The following FLT3LG variants were observed in gnomAD, a reference collection of about 807,000 sequenced individuals.
FLT3LG encodes fms related receptor tyrosine kinase 3 ligand.
FLT3LG carries 8 observed loss-of-function variants against 30.9 expected under a neutral mutation model. The observed-to-expected ratio is 0.26, with a 90% CI of 0.15 to 0.47. The LOEUF is 0.47. Among genes scored for constraint, FLT3LG ranks in the 20% least tolerant of loss-of-function variants. The pLI is 0.99. For missense variants in FLT3LG, 278 were observed against 306.2 expected (o/e 0.91, Z 0.69); for synonymous variants, 123 against 135.9 (o/e 0.91, Z 0.66).
intron 8 of FLT3LG, among the ~76,000 whole-genome samples, chr19:49,484,136 G>A (rs1489921208): frequency 6.7e-6 from 1 of 148,988 alleles, no homozygotes; most frequent in Non-Finnish European, 1.5e-5. Context: ...GCCCGCCTCA[G>A]CCTCCCAAAG....
At chr19:49,479,355 C>G (rs1413694717) in intron 6 of FLT3LG, among the ~76,000 whole-genome samples, 2 of 151,572 alleles carry the variant, frequency 1.3e-5, no homozygotes, top group Non-Finnish European at 2.9e-5. Flanking sequence ...CCACCACACC[C>G]GGCTAATTTT....
chr19:49,479,021 G>T lies in FLT3LG; in HGVS notation c.455G>T (p.Arg152Leu). The change falls in exon 6 of 9, where the codon CGG becomes CTG. Residue 152 changes from arginine to leucine, a missense_variant. Physicochemically the swap from Arg to Leu is moderately radical, Grantham distance 102. This residue lies in a region of FLT3LG where 170 missense variants were observed against 162.0 expected (regional missense o/e 1.05). Coordinates refer to ENST00000597551, the MANE Select transcript of FLT3LG (RefSeq NM_001459.4). ...KPWITRQNFS[R>L]CLELQCQPDS... ...TGGATCACTCGCCAGAACTTCTCCC[G>T]GTGCCTGGAGCTGCAGTGTCAGCCC... The T allele has an allele frequency of 1.2e-6, 2 of 1,607,960 alleles. No homozygotes were observed. Among genetic ancestry groups the T allele is most frequent in the Non-Finnish European group, 1.7e-6 (2 of 1,177,400 alleles).
intron 8 of FLT3LG, among the ~76,000 whole-genome samples, chr19:49,485,634 G>C (rs565004115): frequency 5.9e-5 from 9 of 151,876 alleles, no homozygotes; most frequent in African/African-American, 2.2e-4. Flanking sequence ...CGCCCGCCTC[G>C]ACCTCCTAAA....
intron 8 of FLT3LG, among the ~76,000 whole-genome samples, chr19:49,484,288 A>ATTTTTTTTTTT (rs745909519): frequency 1.0e-5 from 1 of 98,352 alleles, no homozygotes; most frequent in African/African-American, 4.5e-5. Context: ...TTTTATTATA[A>ATTTTTTTTTTT]TTTTTTTTTT....
chr19:49,486,168 T>G lies in FLT3LG; in HGVS notation c.*175T>G, dbSNP rs2079796641. ...CGCCAGAATCCAGCACCGGCCCCATTTACCCAACTCTGTACAAAGCCCTTG... is the reference window on the plus strand; with the variant it reads ...CGCCAGAATCCAGCACCGGCCCCATGTACCCAACTCTGTACAAAGCCCTTG... On this transcript the variant is annotated 3_prime_UTR_variant, in exon 9 of 9. Coordinates refer to ENST00000597551, the MANE Select transcript of FLT3LG (RefSeq NM_001459.4). 2 of 152,630 alleles carry G rather than the reference T, an allele frequency of 1.3e-5. No individual in the cohort carries two copies. The highest frequency in any genetic ancestry group is 4.8e-5 in the African/African-American group (2 of 41,446). The allele number at this position is 152,630 out of a possible 1,614,324, so 9.5% of individuals were successfully genotyped here. A position where few individuals can be genotyped will look rare whatever the true frequency, so the allele number is the denominator to read the frequency against.
chr19:49,476,362 C>T lies in FLT3LG; in HGVS notation c.199-61C>T. 1 of 1,568,170 alleles carries T rather than the reference C, an allele frequency of 6.4e-7. No individual in the cohort carries two copies. Among genetic ancestry groups the T allele is most frequent in the South Asian group, 1.1e-5 (1 of 89,490 alleles). On this transcript the variant is annotated intron_variant, in intron 4 of 8. Transcript: ENST00000597551. This position sits in a 1 kb window ranked among gnomAD's most constrained non-coding sequence, Gnocchi z 5.3. The stretch of plus-strand genomic sequence containing the variant: ...AGGAGCCCCGGCCCAGCCCCTCCTC[C>T]CTCAGACCCAGCAGCCCCGTGCCCA...
At chr19:49,483,111 G>A (rs768855128) in intron 8 of FLT3LG, among the ~76,000 whole-genome samples, 3 of 151,838 alleles carry the variant, frequency 2.0e-5, no homozygotes, top group African/African-American at 2.4e-5. Context: ...AGCATCCAAC[G>A]TATAGTTTAT....
Position 49,476,085 on chromosome 19 carries a change from G to A in FLT3LG, c.145-60G>A. 1 of 1,587,248 alleles carries A rather than the reference G, an allele frequency of 6.3e-7. No individual in the cohort carries two copies. ...TCTGGATCTCTGCTGCCACCTCTGG[G>A]TCCCCACAGTTCTGTTTCTCGCTGT... On this transcript the variant is annotated intron_variant, in intron 3 of 8. Transcript: ENST00000597551. This position sits in a 1 kb window ranked among gnomAD's most constrained non-coding sequence, Gnocchi z 5.3.
chr19:49,484,805 A>C (rs945562962), intron 8 of FLT3LG, among the ~76,000 whole-genome samples: 5 of 152,030 alleles, frequency 3.3e-5, no homozygotes, highest in Admixed American at 1.3e-4. Flanking sequence ...AATACCTGAT[A>C]TTAATTTTAT....
chr19:49,475,883 CCT>C, intron 3 of FLT3LG, 82 bp downstream of exon 3: 2 of 1,300,262 alleles, frequency 1.5e-6, no homozygotes, highest in South Asian at 2.4e-5. Context: ...GGTCTCTCTC[CCT>C]GTGTTTCCCA....
chr19:49,475,133 G>A (rs1157273649), intron 2 of FLT3LG, among the ~76,000 whole-genome samples: 1 of 112,968 alleles, frequency 8.9e-6, no homozygotes, highest in Non-Finnish European at 1.8e-5. Flanking sequence ...AGGAGGGGGA[G>A]ATGGACAGAG....
Position 49,476,140 on chromosome 19 carries a change from C to T in FLT3LG, c.145-5C>T, listed in dbSNP as rs2079385968. On this transcript the variant is annotated splice_polypyrimidine_tract_variant and splice_region_variant and intron_variant, in intron 3 of 8. Transcript: ENST00000597551. The surrounding 1 kb of genome is among the most constrained non-coding windows in gnomAD (Gnocchi z 5.3). ...AGCCAGGCCTGATCCTGTTTTCTCCCGCAGTCTGACTACCTGCTTCAAGAT... is the reference window on the plus strand; with the variant it reads ...AGCCAGGCCTGATCCTGTTTTCTCCTGCAGTCTGACTACCTGCTTCAAGAT... 1.9e-6 allele frequency: 3 copies of T among 1,613,786 alleles called. No individual in the cohort carries two copies. Among genetic ancestry groups the T allele is most frequent in the Non-Finnish European group, 2.5e-6 (3 of 1,179,986 alleles).
intron 5 of FLT3LG, among the ~76,000 whole-genome samples, 162 bp from the exon 6 acceptor site, chr19:49,478,747 A>G (rs2082056244): frequency 6.7e-6 from 1 of 148,732 alleles, no homozygotes; most frequent in African/African-American, 2.5e-5. Context: ...ACAGAGTGAG[A>G]CTCTATCTCA....
intron 8 of FLT3LG, among the ~76,000 whole-genome samples, chr19:49,483,253 G>A (rs918321089): frequency 6.6e-6 from 1 of 151,720 alleles, no homozygotes; most frequent in East Asian, 1.9e-4. Flanking sequence ...AGCCTCCCGA[G>A]TACCTGGGAT....
rs747280189 is a variant in FLT3LG at position 49,476,419 on chromosome 19, C to G, written c.199-4C>G. Reference sequence around the variant, plus strand: ...CCCTCAGACCCGTGGGTTCTCCCCTCTAGGAGGAGCTCTGCGGGGGCCTCT... The same window carrying G: ...CCCTCAGACCCGTGGGTTCTCCCCTGTAGGAGGAGCTCTGCGGGGGCCTCT... On this transcript the variant is annotated splice_polypyrimidine_tract_variant and splice_region_variant and intron_variant, in intron 4 of 8. Coordinates refer to ENST00000597551, the MANE Select transcript of FLT3LG (RefSeq NM_001459.4). This position sits in a 1 kb window ranked among gnomAD's most constrained non-coding sequence, Gnocchi z 5.3. The G allele has an allele frequency of 1.1e-5, 18 of 1,611,990 alleles. No homozygotes were observed. The highest frequency in any genetic ancestry group is 1.4e-5 in the Non-Finnish European group (17 of 1,179,190).
intron 5 of FLT3LG, 69 bp from the exon 6 acceptor site, chr19:49,478,840 G>A: frequency 7.3e-7 from 1 of 1,375,882 alleles, no homozygotes; most frequent in Non-Finnish European, 9.5e-7. Flanking sequence ...CAGCAGGGAA[G>A]GGCCTTTGGC....
intron 1 of FLT3LG, 60 bp from the exon 2 acceptor site, chr19:49,474,543 G>A: frequency 1.6e-6 from 2 of 1,278,918 alleles, no homozygotes; most frequent in Middle Eastern, 2.5e-4. Context: ...AGGCAAAGGG[G>A]CGGGCAGGGC....
intron 6 of FLT3LG, 28 bp downstream of exon 6, chr19:49,479,075 T>G (rs965044167): frequency 6.3e-7 from 1 of 1,591,004 alleles, no homozygotes; most frequent in Non-Finnish European, 8.6e-7. Context: ...CCCCCACTCC[T>G]TCCCCTCCTG....
rs780738743 is a variant in FLT3LG at position 49,476,385 on chromosome 19, C to G, written c.199-38C>G. On this transcript the variant is annotated intron_variant, in intron 4 of 8. Coordinates refer to ENST00000597551, the MANE Select transcript of FLT3LG (RefSeq NM_001459.4). This position sits in a 1 kb window ranked among gnomAD's most constrained non-coding sequence, Gnocchi z 5.3. Reference sequence around the variant, plus strand: ...TCCCTCAGACCCAGCAGCCCCGTGCCCAGCTCCTCCCTCAGACCCGTGGGT... The same window carrying G: ...TCCCTCAGACCCAGCAGCCCCGTGCGCAGCTCCTCCCTCAGACCCGTGGGT... The G allele has an allele frequency of 1.9e-6, 3 of 1,593,098 alleles. No individual in the cohort carries two copies. Among genetic ancestry groups the G allele is most frequent in the Admixed American group, 3.5e-5 (2 of 56,770 alleles).
Sources: allele counts gnomAD v4.1 joint callset (sites outside exome capture counted in the v4.1 genomes callset), GRCh38; gene constraint gnomAD v4.1.1; regional missense constraint gnomAD v4.1.1; non-coding constraint Gnocchi (gnomAD v3.1); transcripts MANE v1.5; gene names NCBI Gene and HGNC (gene_info 2026-07-23, HGNC 2026-07-21).